MLPH: variants seen among roughly 807,000 people sequenced by gnomAD.
MLPH encodes the protein melanophilin, also known as exophilin-3.
Under a neutral mutation model 72.1 loss-of-function variants are expected in MLPH, and 51 were observed. That is an observed-to-expected ratio of 0.71 (90% CI 0.56 to 0.89). The LOEUF (loss-of-function observed/expected upper bound fraction) is 0.89, where lower values mean the gene tolerates loss of function less well. Ranked by LOEUF, MLPH falls within the 40% of genes least tolerant of loss-of-function variation. MLPH has a pLI of 0.00. For missense variants in MLPH, 743 were observed against 759.9 expected (o/e 0.98, Z 0.26); for synonymous variants, 301 against 310.1 (o/e 0.97, Z 0.31).
chr2:237,506,383 C>T (rs1292479526), intron 2 of MLPH, among the ~76,000 whole-genome samples: 1 of 152,178 alleles, frequency 6.6e-6, no homozygotes, highest in African/African-American at 2.4e-5. Flanking sequence ...AAGCCACAGA[C>T]AAGAACTCCT....
chr2:237,539,844 A>T (rs1011498909), intron 9 of MLPH, among the ~76,000 whole-genome samples: 1 of 152,194 alleles, frequency 6.6e-6, no homozygotes, highest in Non-Finnish European at 1.5e-5. Flanking sequence ...GGCTGCTGTT[A>T]TGTGATCAGG....
intron 5 of MLPH, 70 bp downstream of exon 5, chr2:237,518,718 G>A: frequency 8.0e-7 from 1 of 1,255,750 alleles, no homozygotes; most frequent in Non-Finnish European, 1.1e-6. Context: ...GTCAGGTTCT[G>A]ATTTCCTGAA....
chr2:237,499,213 T>C (rs2079598183), intron 2 of MLPH, among the ~76,000 whole-genome samples: 1 of 152,000 alleles, frequency 6.6e-6, no homozygotes, highest in Non-Finnish European at 1.5e-5. Context: ...TTGATGAAGA[T>C]AAAGAAAAAT....
At chr2:237,506,133 G>A (rs2079765758) in intron 2 of MLPH, among the ~76,000 whole-genome samples, 1 of 152,172 alleles carries the variant, frequency 6.6e-6, no homozygotes, top group Non-Finnish European at 1.5e-5. Context: ...AAATTACTGA[G>A]AACCCCAAAG....
intron 4 of MLPH, chr2:237,511,313 T>C: frequency 8.1e-6 from 4 of 496,430 alleles, no homozygotes; most frequent in Non-Finnish European, 1.1e-5. Context: ...CATCTCACCA[T>C]GTTTCCCAGA....
At chr2:237,542,891 C>G (rs867758412) in intron 12 of MLPH, among the ~76,000 whole-genome samples, 4 of 24,170 alleles carry the variant, frequency 1.7e-4, no homozygotes, top group Non-Finnish European at 2.4e-4. Context: ...GGTGAGTGGG[C>G]ACAGTAGTGA....
At chr2:237,533,390 C>CTTTT (rs746139615) in intron 8 of MLPH, among the ~76,000 whole-genome samples, 1,536 of 107,916 alleles carry the variant, frequency 0.014, 28 homozygotes, top group South Asian at 0.034. Context: ...ATTTTCTTTT[C>CTTTT]TTTTTTTTTT....
intron 1 of MLPH, among the ~76,000 whole-genome samples, chr2:237,491,289 G>A (rs575596933): frequency 1.6e-4 from 24 of 152,308 alleles, no homozygotes; most frequent in African/African-American, 4.8e-4. Flanking sequence ...ATGTTCCTGA[G>A]AAAATAGGTT....
rs1389660914 is a variant in MLPH, at chr2:237,542,735, G to GA, written c.1539+76_1539+77insA. The stretch of plus-strand genomic sequence containing the variant: ...GGTGAGTGGCGGACAGTGGTGAGTG[G>GA]GGGACAGTGGTGAGTGGAGGGACAG... On this transcript the variant is annotated intron_variant, in intron 12 of 15. Transcript: ENST00000264605. The GA allele has an allele frequency of 3.4e-5, 32 of 935,630 alleles. 1 individual carries two copies. The highest frequency in any genetic ancestry group is 9.3e-5 in the Admixed American group (4 of 43,210). 58.0% of individuals were successfully genotyped at this position (935,630 alleles called of 1,614,324 possible). A position where few individuals can be genotyped will look rare whatever the true frequency, so the allele number is the denominator to read the frequency against.
chr2:237,520,087 T>C (rs2080148059), intron 6 of MLPH, 58 bp downstream of exon 6: 2 of 1,611,478 alleles, frequency 1.2e-6, no homozygotes, highest in Admixed American at 1.7e-5. Context: ...TGGCAGGTGC[T>C]CAGGCCCCAG....
intron 2 of MLPH, among the ~76,000 whole-genome samples, chr2:237,500,322 T>C (rs2106472766): frequency 6.6e-6 from 1 of 152,334 alleles, no homozygotes; most frequent in African/African-American, 2.4e-5. Flanking sequence ...CAGCACTGCC[T>C]GATGGAACTT....
intron 1 of MLPH, among the ~76,000 whole-genome samples, chr2:237,488,816 G>A (rs1261826163): frequency 6.6e-6 from 1 of 152,248 alleles, no homozygotes; most frequent in Non-Finnish European, 1.5e-5. Context: ...AATGGGAAAA[G>A]TGAAATTGGT....
intron 14 of MLPH, among the ~76,000 whole-genome samples, chr2:237,550,589 G>A (rs901971691): frequency 1.3e-5 from 2 of 152,022 alleles, no homozygotes; most frequent in African/African-American, 2.4e-5. Context: ...TCACTCTGTC[G>A]CCCAGGCTGG....
chr2:237,497,492 G>A (rs556756754), intron 2 of MLPH, among the ~76,000 whole-genome samples: 1 of 152,308 alleles, frequency 6.6e-6, no homozygotes, highest in African/African-American at 2.4e-5. Flanking sequence ...CCAGCGTGTG[G>A]GCACGCATCA....
At chr2:237,513,102 T>TAA (rs57193032) in intron 4 of MLPH, among the ~76,000 whole-genome samples, 22,749 of 137,806 alleles carry the variant, frequency 0.17, 2,119 homozygotes, top group East Asian at 0.26. Flanking sequence ...GCTGTGCCTT[T>TAA]AAAAAAAAAA....
chr2:237,494,821 A>G lies in MLPH; in HGVS notation c.110+1285A>G, dbSNP rs575473799. On this transcript the variant is annotated intron_variant, in intron 2 of 15. Transcript: ENST00000264605. ...GGAGATGCGTTACGAGAGCTTCGTAAAGGTGAAGCTTCATATGGTGAAACG... is the reference window on the plus strand; with the variant it reads ...GGAGATGCGTTACGAGAGCTTCGTAGAGGTGAAGCTTCATATGGTGAAACG... 8.5e-5 allele frequency among the ~76,000 whole-genome samples: 13 copies of G among 152,314 alleles called. No homozygotes were observed. The East Asian group carries it at 2.3e-3, about 27-fold the overall frequency.
At position 237,512,362 on chromosome 2, in the gene MLPH, A is replaced by G. The variant is rs1447935284; in HGVS notation, c.445+1261A>G. Among the ~76,000 whole-genome samples the G allele has an allele frequency of 6.6e-6, 1 of 152,200 alleles. No homozygotes were observed. The highest frequency in any genetic ancestry group is 1.5e-5 in the Non-Finnish European group (1 of 68,044). ...CATCGTTTAATTTAGGACAGAGGCCACGGAGAGGCACCGCTGGAGCAGTAC... is the reference window on the plus strand; with the variant it reads ...CATCGTTTAATTTAGGACAGAGGCCGCGGAGAGGCACCGCTGGAGCAGTAC... On this transcript the variant is annotated intron_variant, in intron 4 of 15. Coordinates refer to ENST00000264605, the MANE Select transcript of MLPH (RefSeq NM_024101.7). The surrounding 1 kb of genome is among the most constrained non-coding windows in gnomAD (Gnocchi z 5.5).
intron 12 of MLPH, chr2:237,546,287 A>T: frequency 2.5e-6 from 1 of 404,922 alleles, no homozygotes; most frequent in Non-Finnish European, 4.7e-6. Context: ...CTGTGAATAG[A>T]ATGGGAGGCA....
Position 237,552,392 on chromosome 2 carries a change from G to A in MLPH, c.1731G>A (p.Gln577=). The A allele has an allele frequency of 6.2e-7, 1 of 1,614,108 alleles. No homozygotes were observed. ...RKSVYRGSLT[Q]RNPNARKGMA... The stretch of plus-strand genomic sequence containing the variant: ...CAGTGTACCGAGGCTCGCTGACACA[G>A]AGAAACCCCAACGCGAGGAAAGGAA... Residue 577 remains glutamine (Q), a synonymous_variant, in exon 15 of 16, where the codon CAG becomes CAA. Transcript: ENST00000264605.
Sources: gnomAD v4.1 joint callset for allele counts (sites outside exome capture counted in the v4.1 genomes callset) on GRCh38, gnomAD v4.1.1 for gene constraint, Gnocchi (gnomAD v3.1) non-coding constraint, MANE v1.5 for transcripts, NCBI Gene and HGNC (gene_info 2026-07-23, HGNC 2026-07-21) for gene names.